TJP2: variants seen among roughly 807,000 people sequenced by gnomAD.
TJP2 encodes the protein tight junction protein 2.
TJP2 carries 91 observed loss-of-function variants against 133.1 expected under a neutral mutation model. The observed-to-expected ratio is 0.68, with a 90% CI of 0.58 to 0.81. TJP2 has a LOEUF of 0.81. Among genes scored for constraint, TJP2 ranks in the 40% least tolerant of loss-of-function variants. The pLI is 0.00. For missense variants in TJP2, 1,541 were observed against 1,565.6 expected, an observed-to-expected ratio of 0.98 and a Z score of 0.26; for synonymous variants, 592 against 583.4, an observed-to-expected ratio of 1.01 and a Z score of -0.21.
chr9:69,213,663 A>G (rs933053902), intron 2 of TJP2, among the ~76,000 whole-genome samples: 4 of 152,196 alleles, frequency 2.6e-5, no homozygotes, highest in African/African-American at 4.8e-5. Flanking sequence ...AGTAATCACA[A>G]TTTCCTCATT....
rs144116791 is a variant in TJP2, at chr9:69,201,172, G to A, written c.61-11376G>A. ...TGTCTTTCTGTCCACAGGGCCAGGT[G>A]CATGGTTGCTTTTGGGTCTGTAAGT... On this transcript the variant is annotated intron_variant, in intron 1 of 22. Coordinates refer to ENST00000377245, the MANE Select transcript of TJP2 (RefSeq NM_004817.4). Among the ~76,000 whole-genome samples the A allele has an allele frequency of 5.3e-5, 8 of 152,270 alleles. No individual in the cohort carries two copies. In the East Asian group the frequency reaches 7.7e-4, roughly 15 times the overall value.
At chr9:69,194,738 T>C (rs1168578575) in intron 1 of TJP2, among the ~76,000 whole-genome samples, 1 of 152,158 alleles carries the variant, frequency 6.6e-6, no homozygotes, top group Non-Finnish European at 1.5e-5. Context: ...CAAACGTTAA[T>C]GTGCATATTA....
rs183560789 is a variant in TJP2 at position 69,124,400 on chromosome 9, T to C, written c.-131+2675T>C. Among the ~76,000 whole-genome samples the C allele has an allele frequency of 1.4e-3, 107 of 77,058 alleles. 37 individuals are homozygous for C. Among genetic ancestry groups the C allele is most frequent in the African/African-American group, 4.2e-3 (106 of 25,346 alleles). 50.6% of individuals were successfully genotyped at this position (77,058 alleles called of 152,430 possible). A position where few individuals can be genotyped will look rare whatever the true frequency, so the allele number is the denominator to read the frequency against. On this transcript the variant is annotated intron_variant, in intron 1 of 5. Transcript: ENST00000423935. ...ATTATTATTATTTTTTTCTGTAGATTGGGTTCTTGCTTTGCTGCCCAGGCT... is the reference window on the plus strand; with the variant it reads ...ATTATTATTATTTTTTTCTGTAGATCGGGTTCTTGCTTTGCTGCCCAGGCT...
chr9:69,204,340 G>T (rs1827231182), intron 1 of TJP2, among the ~76,000 whole-genome samples: 1 of 152,178 alleles, frequency 6.6e-6, no homozygotes, highest in Non-Finnish European at 1.5e-5. Flanking sequence ...ATACACTATG[G>T]TAGCAAGAAT....
At chr9:69,143,605 T>C (rs1481223420) in intron 1 of TJP2, among the ~76,000 whole-genome samples, 2 of 152,262 alleles carry the variant, frequency 1.3e-5, no homozygotes, top group East Asian at 1.9e-4. Context: ...TCATGAATAC[T>C]ATGGAAATGA....
chr9:69,218,301 A>G lies in TJP2; in HGVS notation c.284A>G (p.Asp95Gly). 6.2e-7 allele frequency: 1 copy of G among 1,614,190 alleles called. No homozygotes were observed. The highest frequency in any genetic ancestry group is 8.5e-7 in the Non-Finnish European group (1 of 1,180,022). The change falls in exon 4 of 23, where the codon GAT becomes GGT. Residue 95 changes from aspartate to glycine, a missense_variant. Coordinates refer to ENST00000377245, the MANE Select transcript of TJP2 (RefSeq NM_004817.4). Reference sequence around the variant, plus strand: ...ATGGTCAATGGCACCCCCATGGAGGATGTGCTTCATTCGTTTGCAGTTCAG... The same window carrying G: ...ATGGTCAATGGCACCCCCATGGAGGGTGTGCTTCATTCGTTTGCAGTTCAG... ...VVMVNGTPME[D>G]VLHSFAVQQL...
At chr9:69,138,541 C>T (rs564320888) in intron 1 of TJP2, among the ~76,000 whole-genome samples, 22 of 150,952 alleles carry the variant, frequency 1.5e-4, no homozygotes, top group South Asian at 6.3e-4. Flanking sequence ...CTGAGGTGGG[C>T]GGATCACTTG....
In TJP2 at chr9:69,237,844, G is replaced by A. The variant is rs2309421; in HGVS notation, c.2180-34G>A. ...TGCTTATCATAACAGCTAGGCAAGT[G>A]TGTATGCTTTAATGGCCTTTCTTGT... On this transcript the variant is annotated intron_variant, in intron 14 of 22. Coordinates refer to ENST00000377245, the MANE Select transcript of TJP2 (RefSeq NM_004817.4). 0.23 allele frequency: 327,833 copies of A among 1,436,884 alleles called. 41,795 individuals carry two copies. Among genetic ancestry groups the A allele is most frequent in the Admixed American group, 0.48 (28,517 of 59,644 alleles). 89.0% of individuals were successfully genotyped at this position (1,436,884 alleles called of 1,614,324 possible).
intron 18 of TJP2, among the ~76,000 whole-genome samples, chr9:69,247,019 T>C (rs1830974782): frequency 6.6e-6 from 1 of 152,216 alleles, no homozygotes; most frequent in South Asian, 2.1e-4. Flanking sequence ...CCTTTCACTT[T>C]TAATGTAGTA....
chr9:69,216,549 TA>T (rs1051404692), intron 3 of TJP2, 86 bp downstream of exon 3: 20 of 1,429,454 alleles, frequency 1.4e-5, no homozygotes, highest in South Asian at 2.5e-5. Flanking sequence ...CCACTTTATT[TA>T]AAAAAAAGAA....
chr9:69,204,091 T>C (rs567905786), intron 1 of TJP2, among the ~76,000 whole-genome samples: 11 of 152,222 alleles, frequency 7.2e-5, no homozygotes, highest in African/African-American at 2.2e-4. Context: ...GAAGTGTAGA[T>C]GGTTTTATCG....
Position 69,249,418 on chromosome 9 carries a change from G to T in TJP2, c.2924G>T (p.Arg975Met). The T allele has an allele frequency of 6.2e-7, 1 of 1,612,084 alleles. No individual in the cohort carries two copies. Residue 975 changes from arginine to methionine, a missense_variant, in exon 20 of 23, where the codon AGG (arginine) becomes ATG (methionine). Coordinates refer to ENST00000377245, the MANE Select transcript of TJP2 (RefSeq NM_004817.4). ...CCAGAGCCACGAGCTCAGATGAGGA[G>T]GGCTGCTAGCAGCGATCAACTTAGG... ...PSPEPRAQMR[R>M]AASSDQLRDN... is the part of the protein sequence containing the mutation.
intron 1 of TJP2, chr9:69,122,015 A>T (rs1242399560): frequency 6.6e-6 from 1 of 152,186 alleles, no homozygotes; most frequent in Non-Finnish European, 1.5e-5. Flanking sequence ...CTGCTTCCTC[A>T]TCGCCCCCGG....
chr9:69,125,303 A>ATTTT (rs759954506), intron 1 of TJP2, among the ~76,000 whole-genome samples: 1 of 43,828 alleles, frequency 2.3e-5, no homozygotes, highest in African/African-American at 7.1e-5. Flanking sequence ...ACCCTGAGTG[A>ATTTT]TTTTTTTTTT....
intron 1 of TJP2, among the ~76,000 whole-genome samples, chr9:69,204,061 C>A (rs1365914921): frequency 6.6e-6 from 1 of 152,258 alleles, no homozygotes; most frequent in African/African-American, 2.4e-5. Context: ...TGCCTCATTT[C>A]TTGCCGACAT....
intron 1 of TJP2, among the ~76,000 whole-genome samples, chr9:69,140,783 G>A (rs962632552): frequency 6.6e-6 from 1 of 152,184 alleles, no homozygotes; most frequent in Non-Finnish European, 1.5e-5. Flanking sequence ...AACAGCGTAG[G>A]ATCAATTTCT....
chr9:69,141,647 AGT>A (rs1181428529), intron 1 of TJP2, among the ~76,000 whole-genome samples: 2 of 152,284 alleles, frequency 1.3e-5, no homozygotes, highest in African/African-American at 2.4e-5. Context: ...GCTGGAGTGT[AGT>A]GTCATGATCT....
intron 1 of TJP2, among the ~76,000 whole-genome samples, chr9:69,128,615 C>T (rs1174567132): frequency 1.3e-5 from 2 of 151,448 alleles, no homozygotes; most frequent in Non-Finnish European, 2.9e-5. Context: ...CTCTGCCTTC[C>T]GGGTTCACAC....
chr9:69,189,499 C>T (rs1431845842), intron 1 of TJP2, among the ~76,000 whole-genome samples: 1 of 152,058 alleles, frequency 6.6e-6, no homozygotes, highest in African/African-American at 2.4e-5. Flanking sequence ...TGCCTGTGGT[C>T]CCAACTACTT....
Sources: allele counts gnomAD v4.1 joint callset (sites outside exome capture counted in the v4.1 genomes callset), GRCh38; gene constraint gnomAD v4.1.1; transcripts MANE v1.5; gene names NCBI Gene and HGNC (gene_info 2026-07-23, HGNC 2026-07-21).